Variants in DNAH7 observed in about 807,000 individuals in gnomAD.
The protein encoded by DNAH7 is axonemal beta dynein heavy chain 7.
DNAH7 carries 397 observed loss-of-function variants against 444.6 expected under a neutral mutation model. The ratio of observed to expected loss-of-function variants is 0.89; its 90% CI spans 0.82 to 0.97. The LOEUF is 0.97. Ranked by LOEUF, DNAH7 falls within the 50% of genes least tolerant of loss-of-function variation. The pLI is 0.00. For synonymous variants in DNAH7, 1,636 were observed against 1,624.4 expected (o/e 1.01, Z -0.17); for missense variants, 4,902 against 4,800.8 (o/e 1.02, Z -0.62).
chr2:195,763,958 A>C (rs1288745846), intron 61 of DNAH7, among the ~76,000 whole-genome samples: 2 of 151,948 alleles, frequency 1.3e-5, no homozygotes, highest in Non-Finnish European at 2.9e-5. Flanking sequence ...ACTACAAGCC[A>C]ATATCCCTGA....
intron 61 of DNAH7, among the ~76,000 whole-genome samples, chr2:195,768,442 G>A (rs1439421709): frequency 1.3e-5 from 2 of 151,582 alleles, no homozygotes; most frequent in African/African-American, 2.4e-5. Context: ...GCATTTCATC[G>A]TGTATATTAT....
intron 45 of DNAH7, 133 bp from the exon 46 acceptor site, chr2:195,853,661 G>A: frequency 2.4e-6 from 2 of 835,514 alleles, no homozygotes; most frequent in Non-Finnish European, 1.8e-6. Context: ...ATATCACTAT[G>A]ATATAGGAAA....
chr2:196,045,443 A>G (rs2125843834), intron 5 of DNAH7, among the ~76,000 whole-genome samples: 1 of 152,234 alleles, frequency 6.6e-6, no homozygotes, highest in African/African-American at 2.4e-5. Context: ...AAAAAAGAAA[A>G]TGAACCCAGA....
At chr2:195,874,026 A>G (rs1472243635) in intron 38 of DNAH7, among the ~76,000 whole-genome samples, 1 of 152,144 alleles carries the variant, frequency 6.6e-6, no homozygotes, top group Non-Finnish European at 1.5e-5. Context: ...AATGGTAAAC[A>G]TCCTCAATAC....
chr2:195,954,241 C>T (rs1690475780), intron 19 of DNAH7, among the ~76,000 whole-genome samples: 2 of 152,086 alleles, frequency 1.3e-5, no homozygotes, highest in East Asian at 1.9e-4. Context: ...GGTGTTCTCA[C>T]TGTTCAATTC....
intron 15 of DNAH7, among the ~76,000 whole-genome samples, chr2:195,981,583 C>G (rs924043027): frequency 6.6e-6 from 1 of 152,056 alleles, no homozygotes; most frequent in African/African-American, 2.4e-5. Context: ...GCTACAGTAA[C>G]CAAAATAGCA....
At chr2:195,944,683 T>G (rs914212383) in intron 19 of DNAH7, among the ~76,000 whole-genome samples, 1 of 152,148 alleles carries the variant, frequency 6.6e-6, no homozygotes, top group African/African-American at 2.4e-5. Flanking sequence ...ACATTGAAAT[T>G]TGGTGACCTA....
chr2:196,059,821 C>A (rs1048559554), intron 1 of DNAH7, among the ~76,000 whole-genome samples: 5 of 152,214 alleles, frequency 3.3e-5, no homozygotes, highest in Non-Finnish European at 1.5e-5. Flanking sequence ...CACAGCCACA[C>A]CTTCTCCCAT....
chr2:195,852,915 C>CACACACACACAG (rs1553537158), intron 46 of DNAH7, among the ~76,000 whole-genome samples: 5 of 84,584 alleles, frequency 5.9e-5, no homozygotes, highest in African/African-American at 1.6e-4. Context: ...CACACACACA[C>CACACACACACAG]AGAGAGAGAG....
chr2:196,054,573 C>A (rs1350309897), intron 2 of DNAH7, among the ~76,000 whole-genome samples: 2 of 152,086 alleles, frequency 1.3e-5, no homozygotes, highest in Non-Finnish European at 2.9e-5. Context: ...CCTACCTATA[C>A]TGTTCTCCTA....
chr2:195,922,218 T>C (rs772014648), intron 23 of DNAH7, 21 bp from the exon 24 acceptor site: 2 of 1,407,876 alleles, frequency 1.4e-6, no homozygotes, highest in South Asian at 2.3e-5. Flanking sequence ...TCAAATAAAA[T>C]GAAGTTAAAC....
At chr2:196,007,930 T>C (rs1387678266) in intron 10 of DNAH7, among the ~76,000 whole-genome samples, 1 of 152,070 alleles carries the variant, frequency 6.6e-6, no homozygotes, top group Admixed American at 6.5e-5. Context: ...AAAACATAAA[T>C]GAGACTTCGT....
At chr2:195,989,055 T>C (rs1225600882) in intron 12 of DNAH7, among the ~76,000 whole-genome samples, 2 of 152,176 alleles carry the variant, frequency 1.3e-5, no homozygotes, top group Non-Finnish European at 1.5e-5. Context: ...ACTGTGTATA[T>C]ATATATCATG....
chr2:196,051,458 T>C (rs1430556488), intron 2 of DNAH7, among the ~76,000 whole-genome samples: 1 of 152,172 alleles, frequency 6.6e-6, no homozygotes, highest in African/African-American at 2.4e-5. Flanking sequence ...TATCCAGCAA[T>C]ACTTATCAGA....
chr2:195,855,536 T>C (rs1253703404), intron 45 of DNAH7, among the ~76,000 whole-genome samples: 1 of 152,184 alleles, frequency 6.6e-6, no homozygotes, highest in Non-Finnish European at 1.5e-5. Flanking sequence ...ATAAATATTT[T>C]AGTCTTTGTG....
At position 195,960,670 on chromosome 2, in the gene DNAH7, T is replaced by C; in HGVS notation, c.2481A>G (p.Val827=). The stretch of plus-strand genomic sequence containing the variant: ...GCTTGAAATCTTCCACCTTTGATCT[T>C]ACTTTTTTTGTCATTGCCAATGCAT... The part of the protein sequence containing the change: ...SPYALAMTKK[V]RSKVEDFKQH... The change falls in exon 18 of 65, where the codon GTA becomes GTG. Residue 827 remains valine, a synonymous_variant. Coordinates refer to ENST00000312428, the MANE Select transcript of DNAH7 (RefSeq NM_018897.3). 3.1e-6 allele frequency: 5 copies of C among 1,614,206 alleles called. No individual in the cohort carries two copies. Among genetic ancestry groups the C allele is most frequent in the East Asian group, 2.2e-5 (1 of 44,882 alleles).
chr2:195,881,056 T>C (rs1159957987), intron 36 of DNAH7, among the ~76,000 whole-genome samples: 4 of 152,140 alleles, frequency 2.6e-5, no homozygotes. Flanking sequence ...AGTGAAAATG[T>C]ATCTCTGCCT....
chr2:195,896,477 G>C (rs900563369), intron 29 of DNAH7, among the ~76,000 whole-genome samples: 3 of 151,884 alleles, frequency 2.0e-5, no homozygotes, highest in Admixed American at 6.6e-5. Flanking sequence ...AAATGTTAGA[G>C]CTTGAGGTTT....
Position 195,806,772 on chromosome 2 carries a change from TC to T in DNAH7, c.10143del (p.Met3382CysfsTer7). The T allele has an allele frequency of 6.2e-7, 1 of 1,613,646 alleles. No homozygotes were observed. Among genetic ancestry groups the T allele is most frequent in the Non-Finnish European group, 8.5e-7 (1 of 1,179,746 alleles). On this transcript the variant is annotated frameshift_variant, in exon 54 of 65. Coordinates refer to ENST00000312428, the MANE Select transcript of DNAH7 (RefSeq NM_018897.3). LOFTEE classifies it high-confidence loss of function. ...EWEDKANEFQ[R>X]MLIIRCLRPD... ...GGCCTCAAGCAACGAATAATAAGCA[TC>T]CTTTGAAACTCATTTGCTTTATCTT...
Sources: gnomAD v4.1 joint callset for allele counts (sites outside exome capture counted in the v4.1 genomes callset) on GRCh38, gnomAD v4.1.1 for gene constraint, MANE v1.5 for transcripts, NCBI Gene and HGNC (gene_info 2026-07-23, HGNC 2026-07-21) for gene names.